The following URGCP variants were observed in gnomAD, a reference collection of about 807,000 sequenced individuals.
The protein encoded by URGCP is upregulator of cell proliferation.
Under a neutral mutation model 24.6 loss-of-function variants are expected in URGCP, and 13 were observed. That is an observed-to-expected ratio of 0.53 (90% CI 0.34 to 0.84). The LOEUF is 0.84. Ranked by LOEUF, URGCP falls within the 40% of genes least tolerant of loss-of-function variation. The pLI is 0.01. For synonymous variants in URGCP, 444 were observed against 487.2 expected, an observed-to-expected ratio of 0.91 and a Z score of 1.17; for missense variants, 899 against 1,194.3, an observed-to-expected ratio of 0.75 and a Z score of 3.64.
At chr7:43,879,655 A>G in intron 5 of URGCP, 1 of 172,284 alleles carries the variant, frequency 5.8e-6, no homozygotes, top group East Asian at 1.6e-4. Flanking sequence ...TACAAGCTGA[A>G]TGCAGGCCTC....
chr7:43,884,442 A>C (rs1186911771), intron 3 of URGCP, among the ~76,000 whole-genome samples: 1 of 152,216 alleles, frequency 6.6e-6, no homozygotes, highest in Non-Finnish European at 1.5e-5. Context: ...CACGGAACAC[A>C]GGGACAGAGG....
rs201500755 is a variant in URGCP at position 43,925,484 on chromosome 7, TTC to T, written c.-116+646_-116+647del. Among the ~76,000 whole-genome samples the T allele has an allele frequency of 9.1e-4, 139 of 152,266 alleles. 5 individuals are homozygous for T. The East Asian group carries it at 0.024, about 27-fold the overall frequency. The stretch of plus-strand genomic sequence containing the variant: ...CTATGTGAAATGCACTGATATTTTA[TTC>T]TGTTTTTTTATTTTTATTTTTTATT... On this transcript the variant is annotated intron_variant, in intron 1 of 5. Transcript: ENST00000426198.
At chr7:43,920,228 C>T (rs1585841863) in intron 1 of URGCP, among the ~76,000 whole-genome samples, 1 of 152,300 alleles carries the variant, frequency 6.6e-6, no homozygotes, top group East Asian at 1.9e-4. Flanking sequence ...GACTATTTAT[C>T]TTTAATAAAG....
intron 3 of URGCP, among the ~76,000 whole-genome samples, chr7:43,886,159 G>C (rs2095861757): frequency 6.6e-6 from 1 of 152,166 alleles, no homozygotes; most frequent in East Asian, 1.9e-4. Flanking sequence ...ATAAAATAGT[G>C]ATTTTTTCCA....
chr7:43,923,501 T>A (rs1463456744), intron 1 of URGCP, among the ~76,000 whole-genome samples: 2 of 152,122 alleles, frequency 1.3e-5, no homozygotes, highest in East Asian at 3.9e-4. Context: ...TTGCCCAATC[T>A]GGTCTCAAAC....
intron 1 of URGCP, among the ~76,000 whole-genome samples, chr7:43,925,695 T>C (rs1219164386): frequency 6.6e-6 from 1 of 151,712 alleles, no homozygotes; most frequent in African/African-American, 2.4e-5. Flanking sequence ...AGACGGAGTT[T>C]CAGCATGTTG....
At chr7:43,907,177 T>G (rs920998100), upstream of URGCP, 6 of 152,210 alleles carry the variant, frequency 3.9e-5, no homozygotes, top group African/African-American at 1.4e-4. Flanking sequence ...CCAGTGAGGT[T>G]TCACAACTAT....
At chr7:43,904,636 A>G (rs531011071) in intron 1 of URGCP, among the ~76,000 whole-genome samples, 42 of 152,240 alleles carry the variant, frequency 2.8e-4, no homozygotes, top group Non-Finnish European at 5.6e-4. Flanking sequence ...GCCAGTGTAC[A>G]TAATATGTGC....
rs545037435 is a variant in URGCP at position 43,890,406 on chromosome 7, C to T, written c.15-2590G>A. Among the ~76,000 whole-genome samples the T allele has an allele frequency of 1.8e-3, 268 of 150,750 alleles. 1 individual carries two copies. Among genetic ancestry groups the T allele is most frequent in the Admixed American group, 4.4e-3 (67 of 15,074 alleles). On this transcript the variant is annotated intron_variant, in intron 1 of 5. Coordinates refer to ENST00000453200, the MANE Select transcript of URGCP (RefSeq NM_001077663.3). ...ATTTTTTTGTATTTTTTAGTAGAGA[C>T]GGGGTTTCACCATGTTAGCCAGGAT...
chr7:43,896,284 T>A (rs886290296), intron 1 of URGCP, among the ~76,000 whole-genome samples: 3 of 151,942 alleles, frequency 2.0e-5, no homozygotes, highest in African/African-American at 7.3e-5. Flanking sequence ...GGTGAAACCC[T>A]GTCTCTGCTA....
intron 5 of URGCP, 134 bp from the exon 6 acceptor site, chr7:43,879,394 G>A (rs981508292): frequency 1.3e-5 from 14 of 1,067,684 alleles, no homozygotes; most frequent in Non-Finnish European, 1.8e-5. Context: ...GCAGGCACAG[G>A]AGGCTCAGGG....
At chr7:43,923,501 T>C (rs1463456744) in intron 1 of URGCP, among the ~76,000 whole-genome samples, 1 of 152,122 alleles carries the variant, frequency 6.6e-6, no homozygotes, top group Non-Finnish European at 1.5e-5. Context: ...TTGCCCAATC[T>C]GGTCTCAAAC....
At chr7:43,881,231 G>T (rs776832560) in intron 5 of URGCP, 4 of 702,922 alleles carry the variant, frequency 5.7e-6, no homozygotes, top group Non-Finnish European at 1.0e-5. Flanking sequence ...CCCAGTGTGT[G>T]GCCCTTGGCA....
chr7:43,906,542 G>C lies in URGCP; in HGVS notation c.14+20C>G. On this transcript the variant is annotated intron_variant, in intron 1 of 5. Transcript: ENST00000453200. Reference sequence around the variant, plus strand: ...CTGCCGGCAGCCGCGGGGGCGCAGGGCCTGCGAGGCGGCACTCACCCGGGC... The same window carrying C: ...CTGCCGGCAGCCGCGGGGGCGCAGGCCCTGCGAGGCGGCACTCACCCGGGC... 1 of 1,231,384 alleles carries C rather than the reference G, an allele frequency of 8.1e-7. No homozygotes were observed. Among genetic ancestry groups the C allele is most frequent in the African/African-American group, 1.6e-5 (1 of 63,266 alleles). 76.3% of individuals were successfully genotyped at this position (1,231,384 alleles called of 1,614,324 possible). A position where few individuals can be genotyped will look rare whatever the true frequency, so the allele number is the denominator to read the frequency against.
At chr7:43,918,071 C>T (rs2095917304) in intron 1 of URGCP, among the ~76,000 whole-genome samples, 1 of 151,940 alleles carries the variant, frequency 6.6e-6, no homozygotes, top group African/African-American at 2.4e-5. Context: ...GTCAGGAGTT[C>T]TAGACCATCC....
intron 3 of URGCP, among the ~76,000 whole-genome samples, chr7:43,884,631 C>T (rs1312582981): frequency 1.3e-5 from 2 of 152,142 alleles, no homozygotes; most frequent in Non-Finnish European, 2.9e-5. Context: ...GAGTTCAAGA[C>T]CAGCCTGGGC....
At chr7:43,887,269 TA>T in intron 3 of URGCP, 145 bp downstream of exon 3, 3 of 927,964 alleles carry the variant, frequency 3.2e-6, no homozygotes, top group Non-Finnish European at 4.6e-6. Context: ...AATCTTCTTG[TA>T]AAAGGAAAAA....
chr7:43,897,259 A>C (rs1437858116), intron 1 of URGCP, among the ~76,000 whole-genome samples: 1 of 152,246 alleles, frequency 6.6e-6, no homozygotes, highest in Non-Finnish European at 1.5e-5. Context: ...AGAAGATGTT[A>C]AGTGCTACAG....
At chr7:43,893,025 A>C (rs556625540) in intron 1 of URGCP, among the ~76,000 whole-genome samples, 73 of 152,238 alleles carry the variant, frequency 4.8e-4, no homozygotes, top group Non-Finnish European at 9.3e-4. Flanking sequence ...CCCTATCTCT[A>C]CAAAAAAATA....
Sources: gnomAD v4.1 joint callset for allele counts (sites outside exome capture counted in the v4.1 genomes callset) on GRCh38, gnomAD v4.1.1 for gene constraint, MANE v1.5 for transcripts, NCBI Gene and HGNC (gene_info 2026-07-23, HGNC 2026-07-21) for gene names.